Variants in CNTLN observed in about 807,000 individuals in gnomAD.
CNTLN encodes the protein centlein, also known as centlein, centrosomal protein.
In CNTLN, 212 loss-of-function variants were observed where a neutral mutation model predicts 180.0. The ratio of observed to expected loss-of-function variants is 1.18; its 90% CI spans 1.05 to 1.32. CNTLN has a LOEUF of 1.32. CNTLN is among the 40% of genes most tolerant of loss of function. The probability of loss-of-function intolerance (pLI) is 0.00; values close to 1 mark genes in which losing one functional copy is unlikely to be tolerated. For missense variants in CNTLN, 2,095 were observed against 1,610.9 expected, an observed-to-expected ratio of 1.30 and a Z score of -5.14; for synonymous variants, 722 against 563.1, an observed-to-expected ratio of 1.28 and a Z score of -3.99.
intron 7 of CNTLN, chr9:17,300,299 C>T (rs548416377): frequency 5.9e-5 from 9 of 152,192 alleles, no homozygotes; most frequent in African/African-American, 2.2e-4. Flanking sequence ...TTTGTATGCT[C>T]TACCTGTGTC....
intron 6 of CNTLN, among the ~76,000 whole-genome samples, chr9:17,280,204 A>G (rs904542918): frequency 8.5e-5 from 13 of 152,176 alleles, no homozygotes; most frequent in African/African-American, 3.1e-4. Context: ...GCAGTAAAAT[A>G]TATTCTACAG....
chr9:17,465,350 G>C (rs900056577), intron 21 of CNTLN, among the ~76,000 whole-genome samples: 2 of 150,462 alleles, frequency 1.3e-5, no homozygotes, highest in African/African-American at 4.8e-5. Flanking sequence ...ATCTGTGCAA[G>C]TTAAAATCAC....
chr9:17,410,268 A>T (rs1193621942), intron 16 of CNTLN, among the ~76,000 whole-genome samples: 1 of 152,094 alleles, frequency 6.6e-6, no homozygotes, highest in Non-Finnish European at 1.5e-5. Flanking sequence ...GAGGTATATC[A>T]TTGTGAGTTA....
At chr9:17,443,882 T>A (rs1259063942) in intron 18 of CNTLN, among the ~76,000 whole-genome samples, 1 of 151,800 alleles carries the variant, frequency 6.6e-6, no homozygotes, top group Non-Finnish European at 1.5e-5. Flanking sequence ...GGAGGAAAAA[T>A]TGAGTACTTT....
chr9:17,343,940 C>T (rs1027873616), intron 12 of CNTLN, among the ~76,000 whole-genome samples: 2 of 152,098 alleles, frequency 1.3e-5, no homozygotes, highest in Non-Finnish European at 2.9e-5. Flanking sequence ...TCATTTAGTA[C>T]GTGGTCCTAG....
At chr9:17,306,383 A>G (rs751116962) in intron 7 of CNTLN, among the ~76,000 whole-genome samples, 3 of 152,166 alleles carry the variant, frequency 2.0e-5, no homozygotes, top group Non-Finnish European at 4.4e-5. Flanking sequence ...TCCCGTCGTC[A>G]GGTGATCCGC....
At chr9:17,489,728 A>T (rs1353476884) in intron 25 of CNTLN, among the ~76,000 whole-genome samples, 4 of 152,124 alleles carry the variant, frequency 2.6e-5, no homozygotes, top group African/African-American at 9.7e-5. Context: ...AAAAGGTCTA[A>T]AATTTTAACT....
At position 17,484,436 on chromosome 9, in the gene CNTLN, T is replaced by G; in HGVS notation, c.3997T>G (p.Ser1333Ala). Residue 1333 changes from serine (S) to alanine (A), a missense_variant, in exon 24 of 26, where the codon TCA (serine) becomes GCA (alanine). Ser to Ala is a moderately conservative substitution (Grantham distance 99). Transcript: ENST00000380647. ...CTTGGCAGCTTCTATCCTGAACATT[T>G]CACGGTCAGATTTAGAGGAAATATT... is the stretch of plus-strand genomic sequence containing the variant. Reference protein sequence around the residue: ...QTLAASILNISRSDLEEILDT... With the variant: ...QTLAASILNIARSDLEEILDT... 1.2e-6 allele frequency: 2 copies of G among 1,606,782 alleles called. No individual in the cohort carries two copies. The highest frequency in any genetic ancestry group is 1.7e-6 in the Non-Finnish European group (2 of 1,178,364).
chr9:17,266,576 C>T (rs553541155), intron 5 of CNTLN, among the ~76,000 whole-genome samples: 18 of 152,072 alleles, frequency 1.2e-4, no homozygotes, highest in Non-Finnish European at 2.2e-4. Context: ...GAGCTGAGTT[C>T]AATTCCTGGG....
At chr9:17,370,669 C>A (rs1001460980) in intron 13 of CNTLN, among the ~76,000 whole-genome samples, 1 of 151,878 alleles carries the variant, frequency 6.6e-6, no homozygotes, top group Non-Finnish European at 1.5e-5. Context: ...ATTGTAATAC[C>A]GTAACAGTGG....
chr9:17,307,514 C>T (rs1818803529), intron 7 of CNTLN, among the ~76,000 whole-genome samples: 1 of 152,136 alleles, frequency 6.6e-6, no homozygotes, highest in African/African-American at 2.4e-5. Context: ...AGGTGATCTG[C>T]CCATCTCGGC....
At chr9:17,291,761 C>G (rs1391914968) in intron 6 of CNTLN, among the ~76,000 whole-genome samples, 5 of 152,178 alleles carry the variant, frequency 3.3e-5, no homozygotes, top group Non-Finnish European at 2.9e-5. Flanking sequence ...CTTTATCCAG[C>G]TTGCCATTCT....
At chr9:17,269,493 A>G (rs1404746973) in intron 5 of CNTLN, among the ~76,000 whole-genome samples, 3 of 151,874 alleles carry the variant, frequency 2.0e-5, no homozygotes, top group African/African-American at 7.3e-5. Context: ...GGTATTTTCT[A>G]ATTTCTTTCT....
intron 25 of CNTLN, chr9:17,494,961 A>T: frequency 2.2e-6 from 1 of 448,514 alleles, no homozygotes; most frequent in East Asian, 7.2e-5. Context: ...GGCTCACCAA[A>T]ACCTCCGCCT....
At chr9:17,312,367 T>TATATATATATATATA (rs1563984910) in intron 8 of CNTLN, among the ~76,000 whole-genome samples, 97 of 10,668 alleles carry the variant, frequency 9.1e-3, no homozygotes, top group Non-Finnish European at 0.02. Context: ...ATATATATTA[T>TATATATATATATATA]ATATATATAT....
intron 14 of CNTLN, 87 bp from the exon 15 acceptor site, chr9:17,394,447 G>T: frequency 2.0e-6 from 2 of 1,021,776 alleles, no homozygotes; most frequent in Non-Finnish European, 1.4e-6. Context: ...TGCTAAATGT[G>T]ATTTTTATTT....
chr9:17,377,939 G>A (rs925433026), intron 13 of CNTLN, among the ~76,000 whole-genome samples: 1 of 152,014 alleles, frequency 6.6e-6, no homozygotes, highest in African/African-American at 2.4e-5. Flanking sequence ...AAATACCTAT[G>A]CATTTATTGT....
At chr9:17,163,412 C>T (rs1012462923) in intron 2 of CNTLN, among the ~76,000 whole-genome samples, 5 of 152,174 alleles carry the variant, frequency 3.3e-5, no homozygotes, top group Non-Finnish European at 5.9e-5. Flanking sequence ...CAAGTTGATA[C>T]TGTGTTTTTG....
intron 13 of CNTLN, among the ~76,000 whole-genome samples, chr9:17,375,307 A>G (rs1824665318): frequency 6.6e-6 from 1 of 152,220 alleles, no homozygotes; most frequent in Non-Finnish European, 1.5e-5. Flanking sequence ...TAATTAATGG[A>G]TTACAAAAAA....
Sources: gnomAD v4.1 joint callset for allele counts (sites outside exome capture counted in the v4.1 genomes callset) on GRCh38, gnomAD v4.1.1 for gene constraint, MANE v1.5 for transcripts, NCBI Gene and HGNC (gene_info 2026-07-23, HGNC 2026-07-21) for gene names.